The following TIMM22 variants were observed in gnomAD, a reference collection of about 807,000 sequenced individuals.
TIMM22 encodes translocase of inner mitochondrial membrane 22.
TIMM22 carries 12 observed loss-of-function variants against 18.3 expected under a neutral mutation model. The ratio of observed to expected loss-of-function variants is 0.65; its 90% CI spans 0.42 to 1.06. TIMM22 has a LOEUF of 1.06. Ranked by LOEUF, TIMM22 falls within the 50% of genes least tolerant of loss-of-function variation. The pLI is 0.00. For synonymous variants in TIMM22, 107 were observed against 98.5 expected (o/e 1.09, Z -0.51); for missense variants, 278 against 252.8 (o/e 1.10, Z -0.68).
intron 1 of TIMM22, among the ~76,000 whole-genome samples, chr17:998,529 G>C (rs1042185968): frequency 6.6e-6 from 1 of 152,092 alleles, no homozygotes; most frequent in Non-Finnish European, 1.5e-5. Context: ...AGAGAATAGA[G>C]GGTTAAAGAT....
chr17:997,401 C>A, intron 1 of TIMM22, 21 bp downstream of exon 1: 1 of 1,606,538 alleles, frequency 6.2e-7, no homozygotes, highest in South Asian at 1.1e-5. Context: ...GCGATGGGAC[C>A]CTTGGGAGGC....
Position 1,003,470 on chromosome 17 carries a change from T to C in TIMM22, c.*2382T>C, listed in dbSNP as rs1465239794. On this transcript the variant is annotated 3_prime_UTR_variant, in exon 4 of 4. Transcript: ENST00000327158. ...AGCTGGAAGAGTTAAATATTTACAT[T>C]GGTGGCTTCCCTGGACCACCGCGAA... The C allele has an allele frequency of 6.6e-6, 1 of 152,582 alleles. No homozygotes were observed. The highest frequency in any genetic ancestry group is 1.5e-5 in the Non-Finnish European group (1 of 68,040). The allele number at this position is 152,582 out of a possible 1,614,324, so 9.5% of individuals were successfully genotyped here.
chr17:997,451 C>G, intron 1 of TIMM22, 71 bp downstream of exon 1: 1 of 1,469,060 alleles, frequency 6.8e-7, no homozygotes, highest in Non-Finnish European at 9.3e-7. Flanking sequence ...GCCGAGAAGA[C>G]CACGCGCCTG....
chr17:1,000,543 A>G (rs955403561), intron 3 of TIMM22, among the ~76,000 whole-genome samples: 4 of 152,046 alleles, frequency 2.6e-5, no homozygotes, highest in Admixed American at 6.6e-5. Context: ...CTGTCATGAA[A>G]CCTGGTTTTG....
intron 3 of TIMM22, among the ~76,000 whole-genome samples, chr17:999,797 G>A (rs1044248409): frequency 1.3e-5 from 2 of 152,112 alleles, no homozygotes; most frequent in Non-Finnish European, 2.9e-5. Flanking sequence ...TCGACCAGAC[G>A]AATCTTTGTC....
chr17:998,767 G>A lies in TIMM22; in HGVS notation c.239-12G>A, dbSNP rs750268324. On this transcript the variant is annotated splice_polypyrimidine_tract_variant and intron_variant, in intron 1 of 3. Transcript: ENST00000327158. Reference sequence around the variant, plus strand: ...ATGCCAAAGACACCTTCATCTCTGTGTTTGCTTCTAGGATTTGTCTTAGGA... The same window carrying A: ...ATGCCAAAGACACCTTCATCTCTGTATTTGCTTCTAGGATTTGTCTTAGGA... 6.2e-7 allele frequency: 1 copy of A among 1,609,444 alleles called. No individual in the cohort carries two copies. Among genetic ancestry groups the A allele is most frequent in the Non-Finnish European group, 8.5e-7 (1 of 1,176,588 alleles).
At chr17:999,349 A>C (rs1409783013) in intron 2 of TIMM22, among the ~76,000 whole-genome samples, 163 bp from the exon 3 acceptor site, 2 of 142,624 alleles carry the variant, frequency 1.4e-5, no homozygotes, top group South Asian at 2.1e-4. Flanking sequence ...ATATATATAT[A>C]TATATATATA....
At position 1,001,023 on chromosome 17, in the gene TIMM22, G is replaced by C. The variant is rs200687812; in HGVS notation, c.520G>C (p.Ala174Pro). 34 of 1,614,106 alleles carry C rather than the reference G, an allele frequency of 2.1e-5. No individual in the cohort carries two copies. In the East Asian group the frequency reaches 3.8e-4, roughly 18 times the overall value. ...GAIGFRAGLK[A>P]GAIGCGGFAA... is the part of the protein sequence containing the mutation. ...TGTTTGTTTGACAGCTGGCTTAAAG[G>C]CTGGGGCCATTGGTTGTGGAGGTTT... is the stretch of plus-strand genomic sequence containing the variant. Residue 174 changes from alanine (A) to proline (P), a missense_variant, in exon 4 of 4, where the codon GCT (alanine) becomes CCT (proline). Ala to Pro is a conservative substitution (Grantham distance 27, BLOSUM62 -1). Coordinates refer to ENST00000327158, the MANE Select transcript of TIMM22 (RefSeq NM_013337.4).
rs1295059750 is a variant in TIMM22 at position 1,001,960 on chromosome 17, C to G, written c.*872C>G. 1 of 152,170 alleles carries G rather than the reference C, an allele frequency of 6.6e-6. No individual in the cohort carries two copies. Among genetic ancestry groups the G allele is most frequent in the Non-Finnish European group, 1.5e-5 (1 of 68,046 alleles). The allele number at this position is 152,170 out of a possible 1,614,324, so 9.4% of individuals were successfully genotyped here. The stretch of plus-strand genomic sequence containing the variant: ...CTGGACCTGGCCGAGCTTGAGGCCA[C>G]ATGTGAAGGGTCCTGCTGTGGTCAT... On this transcript the variant is annotated 3_prime_UTR_variant, in exon 4 of 4. Transcript: ENST00000327158.
rs1057454951 is a variant in TIMM22, at chr17:1,003,292, C to G, written c.*2204C>G. 1 of 152,238 alleles carries G rather than the reference C, an allele frequency of 6.6e-6. No individual in the cohort carries two copies. Among genetic ancestry groups the G allele is most frequent in the African/African-American group, 2.4e-5 (1 of 41,456 alleles). The allele number at this position is 152,238 out of a possible 1,614,324, so 9.4% of individuals were successfully genotyped here. A position where few individuals can be genotyped will look rare whatever the true frequency, so the allele number is the denominator to read the frequency against. On this transcript the variant is annotated 3_prime_UTR_variant, in exon 4 of 4. Transcript: ENST00000327158. Reference sequence around the variant, plus strand: ...ATGGCAAAGGTGAGCCAGAAGCAGCCTGGATGCTGGCTGATCCGGAGGCCT... The same window carrying G: ...ATGGCAAAGGTGAGCCAGAAGCAGCGTGGATGCTGGCTGATCCGGAGGCCT...
At position 999,581 on chromosome 17, in the gene TIMM22, A is replaced by G. The variant is rs1481192307; in HGVS notation, c.505A>G (p.Arg169Gly). Reference sequence around the variant, plus strand: ...CATCACGGGAGGAGCTATTGGTTTCAGAGGTTAGTAAACGGCTCTCGAATG... The same window carrying G: ...CATCACGGGAGGAGCTATTGGTTTCGGAGGTTAGTAAACGGCTCTCGAATG... ...GCITGGAIGF[R>G]AGLKAGAIGC... Residue 169 changes from arginine to glycine, a missense_variant, in exon 3 of 4, where the codon AGA (arginine) becomes GGA (glycine). Physicochemically the swap from Arg to Gly is moderately radical, Grantham distance 125. Transcript: ENST00000327158. 4.3e-6 allele frequency: 7 copies of G among 1,613,024 alleles called. No individual in the cohort carries two copies. Among genetic ancestry groups the G allele is most frequent in the Non-Finnish European group, 3.4e-6 (4 of 1,179,510 alleles).
chr17:1,000,917 C>G (rs2069737580), intron 3 of TIMM22, 95 bp from the exon 4 acceptor site: 2 of 1,222,022 alleles, frequency 1.6e-6, no homozygotes, highest in African/African-American at 3.0e-5. Flanking sequence ...TGCTTAAGCT[C>G]ATTTCATGAC....
Position 997,397 on chromosome 17 carries a change from G to C in TIMM22, c.238+17G>C, listed in dbSNP as rs747083678. ...GCGTGGGAGGTGAGGCCGGGCGATG[G>C]GACCCTTGGGAGGCTGAGGGCCTGG... On this transcript the variant is annotated intron_variant, in intron 1 of 3. Coordinates refer to ENST00000327158, the MANE Select transcript of TIMM22 (RefSeq NM_013337.4). The C allele has an allele frequency of 6.8e-6, 11 of 1,608,296 alleles. No individual in the cohort carries two copies. The highest frequency in any genetic ancestry group is 1.7e-5 in the Admixed American group (1 of 59,350).
At chr17:1,000,401 G>A (rs1203603660) in intron 3 of TIMM22, among the ~76,000 whole-genome samples, 1 of 151,828 alleles carries the variant, frequency 6.6e-6, no homozygotes, top group East Asian at 1.9e-4. Flanking sequence ...AGAGCGTGGT[G>A]GAGGGCCTTG....
rs868142056 is a variant in TIMM22 at position 1,000,060 on chromosome 17, C to A, written c.508+476C>A. ...GATTACAGGCACCCGCCACCATGCTCAGCTAATTTTTATTTTTTTAGTAGA... is the reference window on the plus strand; with the variant it reads ...GATTACAGGCACCCGCCACCATGCTAAGCTAATTTTTATTTTTTTAGTAGA... On this transcript the variant is annotated intron_variant, in intron 3 of 3. Transcript: ENST00000327158. Among the ~76,000 whole-genome samples, 3 of 45,194 alleles carry A rather than the reference C, an allele frequency of 6.6e-5. No individual in the cohort carries two copies. The South Asian group carries it at 1.9e-3, about 28-fold the overall frequency. 29.6% of individuals were successfully genotyped at this position (45,194 alleles called of 152,430 possible).
In TIMM22 at chr17:997,231, A is replaced by G. The variant is rs368792625; in HGVS notation, c.89A>G (p.Gln30Arg). The change falls in exon 1 of 4, where the codon CAG becomes CGG. Residue 30 changes from glutamine (Q) to arginine (R), a missense_variant. Gln to Arg is a conservative substitution (Grantham distance 43). Transcript: ENST00000327158. ...CCGCTGCAGTACAGCCTGCTCCTGC[A>G]GTACCTGGTGGGTGACAAGCGTCAG... The part of the protein sequence containing the change: ...EAPLQYSLLL[Q>R]YLVGDKRQPR... The G allele has an allele frequency of 6.2e-7, 1 of 1,613,338 alleles. No individual in the cohort carries two copies. The highest frequency in any genetic ancestry group is 1.1e-5 in the South Asian group (1 of 91,090).
Position 997,179 on chromosome 17 carries a change from CCT to C in TIMM22, c.38_39del (p.Pro13ArgfsTer22). On this transcript the variant is annotated frameshift_variant, in exon 1 of 4. Coordinates refer to ENST00000327158, the MANE Select transcript of TIMM22 (RefSeq NM_013337.4). LOFTEE classifies it high-confidence loss of function. ...CGCCCCCAATGCCGGAGGCTCGGCC[CCT>C]GAGACAGCGGGTTCCGCCGAAGCTC... ...AAAPNAGGSA[P>X]ETAGSAEAPL... 1 of 1,611,688 alleles carries C rather than the reference CCT, an allele frequency of 6.2e-7. No homozygotes were observed. The highest frequency in any genetic ancestry group is 8.5e-7 in the Non-Finnish European group (1 of 1,179,688).
At chr17:997,504 C>T in intron 1 of TIMM22, 124 bp downstream of exon 1, 1 of 940,438 alleles carries the variant, frequency 1.1e-6, no homozygotes, top group East Asian at 2.6e-5. Flanking sequence ...CACACCCTCG[C>T]CTCGTTCGTG....
Position 1,001,133 on chromosome 17 carries a change from G to A in TIMM22, c.*45G>A. On this transcript the variant is annotated 3_prime_UTR_variant, in exon 4 of 4. Transcript: ENST00000327158. ...AGGATGATGCCAGCCCCGGATCCGG[G>A]CTGCTCTCTGGAGGACAGTTTCTGT... is the stretch of plus-strand genomic sequence containing the variant. 6.2e-7 allele frequency: 1 copy of A among 1,605,034 alleles called. No individual in the cohort carries two copies. Among genetic ancestry groups the A allele is most frequent in the South Asian group, 1.1e-5 (1 of 90,770 alleles).
Sources: gnomAD v4.1 joint callset for allele counts (sites outside exome capture counted in the v4.1 genomes callset) on GRCh38, gnomAD v4.1.1 for gene constraint, MANE v1.5 for transcripts, NCBI Gene and HGNC (gene_info 2026-07-23, HGNC 2026-07-21) for gene names.